The following LEMD1 variants were observed in gnomAD, a reference collection of about 807,000 sequenced individuals.
LEMD1 encodes LEM domain containing 1, also known as LEM domain-containing protein 1.
In LEMD1, 18 loss-of-function variants were observed where a neutral mutation model predicts 17.4. The ratio of observed to expected loss-of-function variants is 1.04; its 90% CI spans 0.72 to 1.54. The LOEUF is 1.54. Among genes scored for constraint, LEMD1 ranks in the 40% most tolerant of loss-of-function variants. The pLI, the probability that LEMD1 is intolerant of heterozygous loss-of-function variation, is 0.00. For missense variants in LEMD1, 195 were observed against 210.4 expected (o/e 0.93, Z 0.45); for synonymous variants, 88 against 77.8 (o/e 1.13, Z -0.69).
chr1:205,438,078 G>T (rs1666236749), intron 1 of LEMD1, among the ~76,000 whole-genome samples: 1 of 152,160 alleles, frequency 6.6e-6, no homozygotes, highest in Non-Finnish European at 1.5e-5. Context: ...GTGGGCCAGG[G>T]TCCTAGGCAA....
At chr1:205,400,295 C>A (rs1173425309) in intron 4 of LEMD1, among the ~76,000 whole-genome samples, 1 of 152,170 alleles carries the variant, frequency 6.6e-6, no homozygotes, top group African/African-American at 2.4e-5. Context: ...TGAGCTCAAG[C>A]AATCCACCTG....
chr1:205,420,507 A>G lies in LEMD1; in HGVS notation c.30T>C (p.Cys10=). The G allele has an allele frequency of 6.2e-7, 1 of 1,614,124 alleles. No individual in the cohort carries two copies. The highest frequency in any genetic ancestry group is 8.5e-7 in the Non-Finnish European group (1 of 1,179,978). Residue 10 remains cysteine (C), a synonymous_variant, in exon 2 of 6, where the codon TGT becomes TGC. Transcript: ENST00000367153. The stretch of plus-strand genomic sequence containing the variant: ...GCTTCTCAAGTTGGTTCTGCAATTT[A>G]CAGTCACTCAGACACTTCACATCCA... MVDVKCLSD[C]KLQNQLEKLG... is the part of the protein sequence containing the mutation.
At chr1:205,397,521 G>T (rs1481601809) in intron 4 of LEMD1, among the ~76,000 whole-genome samples, 2 of 152,168 alleles carry the variant, frequency 1.3e-5, no homozygotes, top group Admixed American at 6.5e-5. Context: ...AGCCCAGGAG[G>T]TCGAGGCTAT....
intron 4 of LEMD1, among the ~76,000 whole-genome samples, chr1:205,390,153 G>A (rs563835435): frequency 1.1e-4 from 16 of 152,156 alleles, no homozygotes; most frequent in Non-Finnish European, 2.1e-4. Flanking sequence ...CCAGGAGTTC[G>A]AGACCAGCCT....
upstream of LEMD1, among the ~76,000 whole-genome samples, chr1:205,426,816 G>A (rs1233101985): frequency 1.3e-5 from 2 of 152,226 alleles, no homozygotes. Flanking sequence ...CATCCTGGAG[G>A]CCTCTAAAGA....
rs770007129 is a variant in LEMD1 at position 205,419,302 on chromosome 1, G to A, written c.133C>T (p.Pro45Ser). The A allele has an allele frequency of 5.6e-6, 9 of 1,614,054 alleles. No homozygotes were observed. The African/African-American group carries it at 1.1e-4, about 19-fold the overall frequency. Reference sequence around the variant, plus strand: ...TTCATCACAGGTGGTGCACAGGGAGGTGAGACCAACAACTGTACTAACTTT... The same window carrying A: ...TTCATCACAGGTGGTGCACAGGGAGATGAGACCAACAACTGTACTAACTTT... ...EKKLVQLLVS[P>S]PCAPPVMNGP... The change falls in exon 3 of 6, where the codon CCT becomes TCT. Residue 45 changes from proline (P) to serine (S), a missense_variant. Transcript: ENST00000367153.
At chr1:205,428,667 T>A (rs1666088836) in intron 1 of LEMD1, among the ~76,000 whole-genome samples, 1 of 152,018 alleles carries the variant, frequency 6.6e-6, no homozygotes, top group Non-Finnish European at 1.5e-5. Context: ...CATGTGTGTG[T>A]TCGTGGAATG....
chr1:205,421,202 G>A (rs1420730600), intron 1 of LEMD1, among the ~76,000 whole-genome samples: 1 of 152,182 alleles, frequency 6.6e-6, no homozygotes, highest in Non-Finnish European at 1.5e-5. Flanking sequence ...ATAGATTTAT[G>A]TAAATCTTGA....
chr1:205,445,151 C>T (rs1248856251), intron 1 of LEMD1, among the ~76,000 whole-genome samples: 2 of 152,144 alleles, frequency 1.3e-5, no homozygotes, highest in African/African-American at 2.4e-5. Flanking sequence ...GAATTAAAAA[C>T]GAAGGGGGTG....
At chr1:205,406,140 C>A (rs1331196136) in intron 4 of LEMD1, among the ~76,000 whole-genome samples, 1 of 152,228 alleles carries the variant, frequency 6.6e-6, no homozygotes, top group East Asian at 1.9e-4. Context: ...AGTTAGGCTG[C>A]TCGGGGGTCA....
chr1:205,425,559 T>C (rs895725230), upstream of LEMD1, among the ~76,000 whole-genome samples: 6 of 152,178 alleles, frequency 3.9e-5, no homozygotes, highest in African/African-American at 1.2e-4. Flanking sequence ...ACTGAGCACC[T>C]ACTACGTACC....
intron 4 of LEMD1, among the ~76,000 whole-genome samples, chr1:205,413,050 A>G (rs1665522936): frequency 6.6e-6 from 1 of 152,222 alleles, no homozygotes; most frequent in Admixed American, 6.5e-5. Context: ...TCAAATTTGA[A>G]CTATGTTTAA....
chr1:205,428,456 TGGTGCTATGAATACAA>T (rs1263605005), intron 1 of LEMD1, among the ~76,000 whole-genome samples: 1 of 152,206 alleles, frequency 6.6e-6, no homozygotes, highest in Non-Finnish European at 1.5e-5. Context: ...GCACTAATTT[TGGTGCTATGAATACAA>T]GGTTAAATAA....
chr1:205,411,260 G>A (rs1019491160), intron 4 of LEMD1, among the ~76,000 whole-genome samples: 1 of 149,380 alleles, frequency 6.7e-6, no homozygotes, highest in South Asian at 2.1e-4. Flanking sequence ...AGGAAGGAAG[G>A]AAAAAGAAAG....
At chr1:205,411,207 AAAGAAAGAAAGG>A (rs1240687394) in intron 4 of LEMD1, among the ~76,000 whole-genome samples, 4 of 143,336 alleles carry the variant, frequency 2.8e-5, no homozygotes, top group African/African-American at 1.0e-4. Context: ...AGGAAGGAAG[AAAGAAAGAAAGG>A]AAGGAAGGAG....
chr1:205,449,604 C>T (rs921385294), intron 1 of LEMD1, among the ~76,000 whole-genome samples: 1 of 150,608 alleles, frequency 6.6e-6, no homozygotes, highest in African/African-American at 2.4e-5. Flanking sequence ...CAGCACACAG[C>T]ACAGCACAGC....
At chr1:205,411,532 G>A (rs1420231694) in intron 4 of LEMD1, among the ~76,000 whole-genome samples, 2 of 144,468 alleles carry the variant, frequency 1.4e-5, no homozygotes, top group African/African-American at 2.6e-5. Flanking sequence ...CTCCAGCCTA[G>A]GCCACAGAGT....
At chr1:205,406,719 T>C (rs532291668) in intron 4 of LEMD1, among the ~76,000 whole-genome samples, 8 of 152,326 alleles carry the variant, frequency 5.3e-5, no homozygotes, top group African/African-American at 1.9e-4. Context: ...CCCACTGTCC[T>C]GCGCCCACTG....
chr1:205,406,097 G>T (rs1241895368), intron 4 of LEMD1, among the ~76,000 whole-genome samples: 1 of 152,190 alleles, frequency 6.6e-6, no homozygotes, highest in Non-Finnish European at 1.5e-5. Flanking sequence ...GCTGTGTGAG[G>T]TGTCAGTCTG....
Sources: allele counts gnomAD v4.1 joint callset (sites outside exome capture counted in the v4.1 genomes callset), GRCh38; gene constraint gnomAD v4.1.1; transcripts MANE v1.5; gene names NCBI Gene and HGNC (gene_info 2026-07-23, HGNC 2026-07-21).